Variants in WWOX observed in about 807,000 individuals in gnomAD.
WWOX encodes WW domain containing oxidoreductase.
WWOX carries 69 observed loss-of-function variants against 46.2 expected under a neutral mutation model. That is an observed-to-expected ratio of 1.49 (90% confidence interval 1.23 to 1.82). The LOEUF (loss-of-function observed/expected upper bound fraction) is 1.82. Ranked by LOEUF, WWOX falls within the 40% of genes most tolerant of loss-of-function variation. The probability of loss-of-function intolerance (pLI) is 0.00; values close to 1 mark genes in which losing one functional copy is unlikely to be tolerated. For missense variants in WWOX, 919 were observed against 542.6 expected (o/e 1.69, Z -6.89); for synonymous variants, 359 against 202.6 (o/e 1.77, Z -6.56).
At chr16:79,091,612 G>T (rs2048961548) in intron 8 of WWOX, among the ~76,000 whole-genome samples, 2 of 152,064 alleles carry the variant, frequency 1.3e-5, no homozygotes, top group Admixed American at 1.3e-4. Flanking sequence ...CTTTGCAAGA[G>T]AGCAGTTTTA....
chr16:79,083,163 A>G (rs2048791514), intron 8 of WWOX, among the ~76,000 whole-genome samples: 1 of 152,176 alleles, frequency 6.6e-6, no homozygotes, highest in African/African-American at 2.4e-5. Flanking sequence ...CGAGTCCCTA[A>G]CACTGCGGTT....
chr16:78,608,013 A>G (rs1334501788), intron 8 of WWOX, among the ~76,000 whole-genome samples: 2 of 152,170 alleles, frequency 1.3e-5, no homozygotes, highest in Non-Finnish European at 2.9e-5. Flanking sequence ...TTATGTCACT[A>G]GTCAACCGCA....
rs974700262 is a variant in WWOX at position 78,742,875 on chromosome 16, G to C, written c.1056+310123G>C. Among the ~76,000 whole-genome samples the C allele has an allele frequency of 3.3e-5, 5 of 152,174 alleles. No homozygotes were observed. The East Asian group carries it at 7.7e-4, about 24-fold the overall frequency. ...CATGGTCAGAGCCGGGGGCTTCCCA[G>C]TGTAGGGTCTGGTCAAGGAAAGGGC... On this transcript the variant is annotated intron_variant, in intron 8 of 8. Transcript: ENST00000566780.
intron 8 of WWOX, among the ~76,000 whole-genome samples, chr16:78,638,838 T>A (rs2046637073): frequency 6.6e-6 from 1 of 152,166 alleles, no homozygotes; most frequent in Non-Finnish European, 1.5e-5. Flanking sequence ...GTAGCTCCTG[T>A]GAAGATTCAG....
rs1412830061 is a variant in WWOX, at chr16:78,806,056, C to T, written c.1056+373304C>T. On this transcript the variant is annotated intron_variant, in intron 8 of 8. Coordinates refer to ENST00000566780, the MANE Select transcript of WWOX (RefSeq NM_016373.4). The stretch of plus-strand genomic sequence containing the variant: ...AAGCCACTTGAGGCTCTAGATAGAT[C>T]TTAGCAGTCAAAGCAATAAATATAT... Among the ~76,000 whole-genome samples the T allele has an allele frequency of 2.0e-5, 3 of 152,140 alleles. No individual in the cohort carries two copies. The East Asian group carries it at 5.8e-4, about 29-fold the overall frequency.
At chr16:78,128,996 G>C (rs1307284174) in intron 4 of WWOX, among the ~76,000 whole-genome samples, 1 of 151,866 alleles carries the variant, frequency 6.6e-6, no homozygotes, top group Admixed American at 6.5e-5. Context: ...TTGAGTGTTT[G>C]ACAAGGTAGA....
At chr16:78,716,506 T>C (rs1172173174) in intron 8 of WWOX, among the ~76,000 whole-genome samples, 3 of 152,126 alleles carry the variant, frequency 2.0e-5, no homozygotes, top group Non-Finnish European at 4.4e-5. Flanking sequence ...ATGCACTGCT[T>C]ATTTTAGGGG....
intron 6 of WWOX, among the ~76,000 whole-genome samples, chr16:78,415,305 T>G (rs1319371759): frequency 6.6e-6 from 1 of 152,040 alleles, no homozygotes; most frequent in Non-Finnish European, 1.5e-5. Context: ...TGGATTCATA[T>G]TAGGGTATAA....
intron 8 of WWOX, among the ~76,000 whole-genome samples, chr16:79,109,292 C>G (rs1390819455): frequency 6.6e-6 from 1 of 152,208 alleles, no homozygotes; most frequent in South Asian, 2.1e-4. Context: ...AGATCCTTGT[C>G]TCCCAGACCC....
rs1358966064 is a variant in WWOX at position 78,731,839 on chromosome 16, C to CTTTTTTTTTTTTTTTTTTTTTTTTT, written c.1056+299090_1056+299091insTTTTTTTTTTTTTTTTTTTTTTTTT. Among the ~76,000 whole-genome samples the CTTTTTTTTTTTTTTTTTTTTTTTTT allele has an allele frequency of 1.8e-5, 2 of 111,498 alleles. 1 individual carries two copies. Among genetic ancestry groups the CTTTTTTTTTTTTTTTTTTTTTTTTT allele is most frequent in the African/African-American group, 1.1e-4 (2 of 18,776 alleles). The allele number at this position is 111,498 out of a possible 152,430, so 73.1% of individuals were successfully genotyped here. A position where few individuals can be genotyped will look rare whatever the true frequency, so the allele number is the denominator to read the frequency against. ...GCACTCCCCAATGCCAATTTTTTTT[C>CTTTTTTTTTTTTTTTTTTTTTTTTT]TTTCTCTTTTTTTTTTTTTTTTTTG... On this transcript the variant is annotated intron_variant, in intron 8 of 8. Transcript: ENST00000566780.
chr16:78,654,245 G>T (rs1052381904), intron 8 of WWOX, among the ~76,000 whole-genome samples: 11 of 152,314 alleles, frequency 7.2e-5, no homozygotes, highest in Middle Eastern at 6.8e-3. Context: ...CTGGTTTTCA[G>T]ATTCTTTATT....
At chr16:79,009,002 A>T (rs1224184126) in intron 8 of WWOX, among the ~76,000 whole-genome samples, 1 of 152,238 alleles carries the variant, frequency 6.6e-6, no homozygotes, top group Non-Finnish European at 1.5e-5. Flanking sequence ...CCGATTCAGC[A>T]TCAGATTTAT....
At chr16:78,490,885 A>G (rs1475460314) in intron 8 of WWOX, among the ~76,000 whole-genome samples, 3 of 152,182 alleles carry the variant, frequency 2.0e-5, no homozygotes, top group Non-Finnish European at 1.5e-5. Context: ...AACAGGACTC[A>G]TTAGCAGGAG....
At chr16:78,187,706 C>T (rs897894648) in intron 5 of WWOX, among the ~76,000 whole-genome samples, 3 of 152,180 alleles carry the variant, frequency 2.0e-5, no homozygotes, top group Admixed American at 1.3e-4. Flanking sequence ...TAACAGAAAT[C>T]GGTTCCTTAA....
At chr16:79,128,519 C>T (rs571619840) in intron 8 of WWOX, among the ~76,000 whole-genome samples, 125 of 152,218 alleles carry the variant, frequency 8.2e-4, no homozygotes, top group African/African-American at 3.0e-3. Flanking sequence ...CAAGGTCACA[C>T]AGCTATTAAG....
At chr16:78,261,230 G>C (rs1039866110) in intron 5 of WWOX, among the ~76,000 whole-genome samples, 2 of 150,360 alleles carry the variant, frequency 1.3e-5, no homozygotes, top group African/African-American at 4.9e-5. Context: ...AGTCCTGCAC[G>C]TGTAGAAATG....
chr16:78,415,376 T>A (rs2082775309), intron 6 of WWOX, among the ~76,000 whole-genome samples: 1 of 152,108 alleles, frequency 6.6e-6, no homozygotes, highest in South Asian at 2.1e-4. Context: ...TTGGCCGGCT[T>A]CTTTACTGCA....
chr16:78,648,217 T>G (rs921436652), intron 8 of WWOX, among the ~76,000 whole-genome samples: 3 of 152,180 alleles, frequency 2.0e-5, no homozygotes, highest in African/African-American at 7.2e-5. Context: ...TTTTCCTCTC[T>G]AATTCATGCA....
chr16:79,005,034 C>A (rs1291528648), intron 8 of WWOX, among the ~76,000 whole-genome samples: 1 of 152,136 alleles, frequency 6.6e-6, no homozygotes, highest in Non-Finnish European at 1.5e-5. Context: ...GGAAAAAGCA[C>A]AAATGTGCTT....
Sources: gnomAD v4.1 joint callset for allele counts (sites outside exome capture counted in the v4.1 genomes callset) on GRCh38, gnomAD v4.1.1 for gene constraint, MANE v1.5 for transcripts, NCBI Gene and HGNC (gene_info 2026-07-23, HGNC 2026-07-21) for gene names.